The following NPAS3 variants were observed in gnomAD, a reference collection of about 807,000 sequenced individuals.
The protein encoded by NPAS3 is neuronal PAS domain-containing protein 3.
Under a neutral mutation model 73.1 loss-of-function variants are expected in NPAS3, and 14 were observed. The ratio of observed to expected loss-of-function variants is 0.19; its 90% confidence interval spans 0.13 to 0.30. The LOEUF (loss-of-function observed/expected upper bound fraction) is 0.30, where lower values mean the gene tolerates loss of function less well. Among genes scored for constraint, NPAS3 ranks in the 10% least tolerant of loss-of-function variants. NPAS3 has a pLI of 1.00. For synonymous variants in NPAS3, 620 were observed against 541.5 expected (o/e 1.14, Z -2.01); for missense variants, 1,096 against 1,250.0 (o/e 0.88, Z 1.86).
intron 7 of NPAS3, among the ~76,000 whole-genome samples, chr14:33,769,919 A>G (rs574689579): frequency 5.8e-4 from 88 of 151,870 alleles, no homozygotes; most frequent in African/African-American, 2.0e-3. Context: ...ATGAACCAAT[A>G]TGCCCAGCTA....
chr14:33,413,450 A>G lies in NPAS3; in HGVS notation c.468+46182A>G, dbSNP rs1410486272. 4.6e-5 allele frequency among the ~76,000 whole-genome samples: 7 copies of G among 152,148 alleles called. No individual in the cohort carries two copies. In the South Asian group the frequency reaches 1.5e-3, roughly 32 times the overall value. On this transcript the variant is annotated intron_variant, in intron 4 of 11. Coordinates refer to ENST00000356141, the Ensembl canonical transcript of NPAS3. The stretch of plus-strand genomic sequence containing the variant: ...AGTATTTAGGAACTGCAGCATCCTC[A>G]GATCTATCTTTTGGAGATAGATATT...
intron 2 of NPAS3, among the ~76,000 whole-genome samples, chr14:33,157,283 C>T (rs1047323990): frequency 1.3e-5 from 2 of 152,152 alleles, no homozygotes; most frequent in Non-Finnish European, 2.9e-5. Flanking sequence ...AAAATCCTGC[C>T]TAAACACAGA....
At chr14:32,996,089 T>C (rs1298938008) in intron 1 of NPAS3, among the ~76,000 whole-genome samples, 1 of 152,150 alleles carries the variant, frequency 6.6e-6, no homozygotes, top group Non-Finnish European at 1.5e-5. Flanking sequence ...ATGAGGAACT[T>C]TTTGGGAACT....
Position 33,700,534 on chromosome 14 carries a change from G to A in NPAS3, c.733+24149G>A, listed in dbSNP as rs1332391015. Among the ~76,000 whole-genome samples the A allele has an allele frequency of 4.6e-5, 7 of 152,274 alleles. No individual in the cohort carries two copies. In the Middle Eastern group the frequency reaches 0.01, roughly 222 times the overall value. On this transcript the variant is annotated intron_variant, in intron 6 of 11. Coordinates refer to ENST00000356141, the Ensembl canonical transcript of NPAS3. Reference sequence around the variant, plus strand: ...ACACATTCCTGCCCTAGAGTCCTACGGTAATAATTCTTTACCTGCCTAAAT... The same window carrying A: ...ACACATTCCTGCCCTAGAGTCCTACAGTAATAATTCTTTACCTGCCTAAAT...
intron 2 of NPAS3, among the ~76,000 whole-genome samples, chr14:33,169,829 T>A (rs548556807): frequency 1.3e-5 from 2 of 152,156 alleles, no homozygotes; most frequent in East Asian, 3.8e-4. Flanking sequence ...GAAAATAGTA[T>A]TGAATTGAAA....
At chr14:33,712,597 C>T (rs2060850441) in intron 6 of NPAS3, among the ~76,000 whole-genome samples, 1 of 152,220 alleles carries the variant, frequency 6.6e-6, no homozygotes, top group South Asian at 2.1e-4. Flanking sequence ...TAAATCACCA[C>T]TGCCTCTGAT....
intron 4 of NPAS3, among the ~76,000 whole-genome samples, chr14:33,422,879 A>G (rs183549169): frequency 9.3e-4 from 142 of 152,112 alleles, no homozygotes; most frequent in African/African-American, 3.4e-3. Context: ...GAGAAATGGA[A>G]TAGTGGAATT....
chr14:33,462,215 T>G (rs1321724674), intron 4 of NPAS3, among the ~76,000 whole-genome samples: 1 of 152,166 alleles, frequency 6.6e-6, no homozygotes, highest in East Asian at 1.9e-4. Flanking sequence ...TGGGCAACAT[T>G]AGGCAAGTCG....
intron 2 of NPAS3, among the ~76,000 whole-genome samples, chr14:33,102,956 A>G (rs772854547): frequency 5.3e-5 from 8 of 152,206 alleles, no homozygotes; most frequent in Non-Finnish European, 1.0e-4. Context: ...ATTACCTTAC[A>G]GTATAGCAGT....
At chr14:33,062,048 TGGAGAG>T (rs955017541) in intron 2 of NPAS3, among the ~76,000 whole-genome samples, 62 of 147,072 alleles carry the variant, frequency 4.2e-4, no homozygotes, top group African/African-American at 1.5e-3. Flanking sequence ...GAGGTGAGGC[TGGAGAG>T]GAAGGGAGAG....
At chr14:32,957,860 T>G (rs983124203) in intron 1 of NPAS3, among the ~76,000 whole-genome samples, 2 of 152,184 alleles carry the variant, frequency 1.3e-5, no homozygotes, top group East Asian at 3.9e-4. Context: ...ACAGTAAGCA[T>G]TATGGGCTTA....
At chr14:33,066,237 T>C (rs1370262779) in intron 2 of NPAS3, among the ~76,000 whole-genome samples, 1 of 152,138 alleles carries the variant, frequency 6.6e-6, no homozygotes, top group Non-Finnish European at 1.5e-5. Context: ...AACAATGGTA[T>C]TCATGGCACC....
At chr14:33,436,476 C>T (rs767726785) in intron 4 of NPAS3, among the ~76,000 whole-genome samples, 5 of 152,140 alleles carry the variant, frequency 3.3e-5, no homozygotes, top group Non-Finnish European at 7.4e-5. Flanking sequence ...TGCTAGATAG[C>T]GGAAACACTA....
rs1228246578 is a variant in NPAS3, at chr14:33,210,867, C to CT, written c.141-4313dup. Among the ~76,000 whole-genome samples the CT allele has an allele frequency of 3.3e-5, 5 of 152,076 alleles. No individual in the cohort carries two copies. The East Asian group carries it at 7.7e-4, about 23-fold the overall frequency. The stretch of plus-strand genomic sequence containing the variant: ...TTATTTGAACAACTCACTAAGTACA[C>CT]TTATGGTATACAATGAATAGACCAT... On this transcript the variant is annotated intron_variant, in intron 2 of 11. Transcript: ENST00000356141.
chr14:33,092,917 T>C (rs1446291397), intron 2 of NPAS3, among the ~76,000 whole-genome samples: 1 of 152,214 alleles, frequency 6.6e-6, no homozygotes, highest in African/African-American at 2.4e-5. Flanking sequence ...ACTAGTCATA[T>C]ATGTAAAGCT....
intron 4 of NPAS3, among the ~76,000 whole-genome samples, chr14:33,533,389 A>T (rs1052453994): frequency 6.6e-6 from 1 of 152,172 alleles, no homozygotes; most frequent in Non-Finnish European, 1.5e-5. Context: ...CAAACAATAC[A>T]TGAAAAGACT....
intron 6 of NPAS3, among the ~76,000 whole-genome samples, chr14:33,684,363 G>A (rs1399136704): frequency 6.6e-6 from 1 of 151,886 alleles, no homozygotes; most frequent in Non-Finnish European, 1.5e-5. Flanking sequence ...CCAGGCTGGA[G>A]TGCAGTGGCA....
At chr14:33,552,685 C>T (rs1489478561) in intron 4 of NPAS3, among the ~76,000 whole-genome samples, 1 of 151,534 alleles carries the variant, frequency 6.6e-6, no homozygotes, top group African/African-American at 2.4e-5. Context: ...TTTTTTAATG[C>T]CAACAACTTG....
chr14:33,101,715 T>A (rs1405175012), intron 2 of NPAS3, among the ~76,000 whole-genome samples: 1 of 152,158 alleles, frequency 6.6e-6, no homozygotes, highest in Non-Finnish European at 1.5e-5. Context: ...TACATTATTA[T>A]GCTTAATATG....
Sources: allele counts gnomAD v4.1 joint callset (sites outside exome capture counted in the v4.1 genomes callset), GRCh38; gene constraint gnomAD v4.1.1; transcripts MANE v1.5; gene names NCBI Gene and HGNC (gene_info 2026-07-23, HGNC 2026-07-21).